NF1: variants seen among roughly 807,000 people sequenced by gnomAD.
The protein encoded by NF1 is neurofibromin 1.
In NF1, 122 loss-of-function variants were observed where a neutral mutation model predicts 325.7. That is an observed-to-expected ratio of 0.37 (90% CI 0.32 to 0.44). The LOEUF is 0.44. NF1 is among the 20% of genes least tolerant of loss of function. The pLI is 1.00. For missense variants in NF1, 2,140 were observed against 3,415.4 expected (o/e 0.63, Z 9.31); for synonymous variants, 1,091 against 1,186.0 (o/e 0.92, Z 1.65).
chr17:31,109,238 A>G (rs541332667), intron 1 of NF1, among the ~76,000 whole-genome samples: 39 of 152,154 alleles, frequency 2.6e-4, no homozygotes, highest in Non-Finnish European at 4.6e-4. Flanking sequence ...TTCTCTTACC[A>G]TATTTCTAAA....
intron 1 of NF1, among the ~76,000 whole-genome samples, chr17:31,141,221 G>T (rs952939213): frequency 3.3e-5 from 5 of 151,306 alleles, no homozygotes; most frequent in African/African-American, 4.9e-5. Context: ...TTTTTTAAAG[G>T]TATTGTTGGG....
chr17:31,260,985 A>G (rs993926120), intron 34 of NF1, among the ~76,000 whole-genome samples: 4 of 152,204 alleles, frequency 2.6e-5, no homozygotes, highest in Admixed American at 6.5e-5. Context: ...GATTACACCT[A>G]TAATCTCAGC....
At chr17:31,312,399 T>A (rs2068900180) in intron 36 of NF1, among the ~76,000 whole-genome samples, 1 of 151,670 alleles carries the variant, frequency 6.6e-6, no homozygotes, top group Admixed American at 6.6e-5. Flanking sequence ...TAATCCCAGC[T>A]ACTCAGGAGG....
chr17:31,201,550 C>A lies in NF1; in HGVS notation c.1260+65C>A, dbSNP rs1025080886. 1.2e-5 allele frequency: 15 copies of A among 1,211,874 alleles called. No homozygotes were observed. In the East Asian group the frequency reaches 3.0e-4, roughly 25 times the overall value. The allele number at this position is 1,211,874 out of a possible 1,614,324, so 75.1% of individuals were successfully genotyped here. On this transcript the variant is annotated intron_variant, in intron 11 of 57. Coordinates refer to ENST00000358273, the MANE Select transcript of NF1 (RefSeq NM_001042492.3). ...TTTTCTTTCTTTTCTTTGCGTATTT[C>A]TTTTTAAGAAATGCACTCTTGGTTT...
At chr17:31,305,138 T>G (rs2068679169) in intron 36 of NF1, 1 of 1,614,074 alleles carries the variant, frequency 6.2e-7, no homozygotes, top group South Asian at 1.1e-5. Context: ...ATTTGTTTTC[T>G]AGAAGGGATC....
At position 31,357,044 on chromosome 17, in the gene NF1, A is replaced by G. The variant is rs2070289110; in HGVS notation, c.7823A>G (p.Glu2608Gly). ...VSESNVLLDE[E>G]VLTDPKIQAL... ...GAATCAAATGTTCTCTTGGATGAAG[A>G]AGTACTTACTGATCCGAAGATCCAG... The change falls in exon 53 of 58, where the codon GAA becomes GGA. Residue 2608 changes from glutamate to glycine, a missense_variant. Physicochemically the swap from Glu to Gly is moderately conservative, Grantham distance 98. This residue lies in a region of NF1 where 522 missense variants were observed against 749.0 expected (regional missense o/e 0.70). Transcript: ENST00000358273. 1 of 1,613,952 alleles carries G rather than the reference A, an allele frequency of 6.2e-7. No individual in the cohort carries two copies. Among genetic ancestry groups the G allele is most frequent in the Non-Finnish European group, 8.5e-7 (1 of 1,179,952 alleles).
At chr17:31,192,945 T>C (rs2066372055) in intron 8 of NF1, among the ~76,000 whole-genome samples, 1 of 152,202 alleles carries the variant, frequency 6.6e-6, no homozygotes, top group Non-Finnish European at 1.5e-5. Context: ...CTTTTAAAAA[T>C]TGTGAATAAG....
At chr17:31,361,424 C>G (rs1270099865) in intron 57 of NF1, 1 of 152,216 alleles carries the variant, frequency 6.6e-6, no homozygotes. Context: ...TCATACAACT[C>G]TGGTTGACCC....
chr17:31,169,600 C>T (rs1048775136), intron 4 of NF1, among the ~76,000 whole-genome samples: 1 of 152,008 alleles, frequency 6.6e-6, no homozygotes, highest in Admixed American at 6.6e-5. Context: ...GGCTGAAGTA[C>T]AGTGGTGTGA....
At chr17:31,281,627 C>T (rs1235408122) in intron 36 of NF1, among the ~76,000 whole-genome samples, 2 of 152,090 alleles carry the variant, frequency 1.3e-5, no homozygotes, top group Non-Finnish European at 2.9e-5. Context: ...TACTCTTTTC[C>T]ACCTGGTTTG....
At chr17:31,201,227 T>C in intron 10 of NF1, 68 bp downstream of exon 10, 2 of 1,581,232 alleles carry the variant, frequency 1.3e-6, no homozygotes, top group South Asian at 1.1e-5. Context: ...AAAAAGACTA[T>C]AGAGATTAAT....
At chr17:31,176,333 C>G (rs2066022691) in intron 5 of NF1, among the ~76,000 whole-genome samples, 1 of 151,904 alleles carries the variant, frequency 6.6e-6, no homozygotes, top group African/African-American at 2.4e-5. Flanking sequence ...CTGTTCATAT[C>G]CTTCATCTAC....
At chr17:31,372,368 G>A (rs1348580892) in intron 57 of NF1, among the ~76,000 whole-genome samples, 1 of 152,040 alleles carries the variant, frequency 6.6e-6, no homozygotes, top group East Asian at 1.9e-4. Flanking sequence ...TTACTAAAAC[G>A]TTCTGCAGCT....
rs876659082 is a variant in NF1, at chr17:31,358,573, G to T, written c.8064G>T (p.Val2688=). Residue 2688 remains valine, a synonymous_variant, in exon 55 of 58, where the codon GTG becomes GTT. Transcript: ENST00000358273. The part of the protein sequence containing the change: ...LNPIHGIVQS[V]VYHEESPPQY... ...CAATCCATGGAATTGTGCAGAGTGTGGTGTACCATGAAGAATCCCCACCAC... is the reference window on the plus strand; with the variant it reads ...CAATCCATGGAATTGTGCAGAGTGTTGTGTACCATGAAGAATCCCCACCAC... 1 of 1,613,806 alleles carries T rather than the reference G, an allele frequency of 6.2e-7. No individual in the cohort carries two copies. The highest frequency in any genetic ancestry group is 8.5e-7 in the Non-Finnish European group (1 of 1,179,874).
intron 30 of NF1, chr17:31,251,561 A>T (rs958713898): frequency 5.1e-6 from 1 of 196,092 alleles, no homozygotes; most frequent in Admixed American, 6.1e-5. Context: ...AATGATTCCC[A>T]AAGTGGATAT....
At chr17:31,311,691 C>T (rs528529626) in intron 36 of NF1, among the ~76,000 whole-genome samples, 1 of 152,268 alleles carries the variant, frequency 6.6e-6, no homozygotes, top group South Asian at 2.1e-4. Flanking sequence ...TTTCATCCTA[C>T]AGATAAGGAA....
At chr17:31,253,072 A>G in intron 31 of NF1, 72 bp downstream of exon 31, 1 of 1,197,908 alleles carries the variant, frequency 8.3e-7, no homozygotes, top group Non-Finnish European at 1.2e-6. Flanking sequence ...TTTGTTAAGA[A>G]TATCTTCACT....
chr17:31,213,117 T>C (rs2066758145), intron 12 of NF1, among the ~76,000 whole-genome samples: 1 of 152,210 alleles, frequency 6.6e-6, no homozygotes, highest in Non-Finnish European at 1.5e-5. Flanking sequence ...AATAAATTCG[T>C]TTAATCAAAG....
At chr17:31,369,929 T>C (rs1321866050) in intron 57 of NF1, among the ~76,000 whole-genome samples, 1 of 152,228 alleles carries the variant, frequency 6.6e-6, no homozygotes, top group Admixed American at 6.5e-5. Context: ...CAGAACTAGA[T>C]ACTATGATCA....
Sources: allele counts gnomAD v4.1 joint callset (sites outside exome capture counted in the v4.1 genomes callset), GRCh38; gene constraint gnomAD v4.1.1; regional missense constraint gnomAD v4.1.1; transcripts MANE v1.5; gene names NCBI Gene and HGNC (gene_info 2026-07-23, HGNC 2026-07-21).